ELOVL7: variants seen among roughly 807,000 people sequenced by gnomAD.
The protein encoded by ELOVL7 is ELOVL fatty acid elongase 7, also known as very long chain fatty acid elongase 7.
A neutral mutation model predicts 35.7 loss-of-function variants in ELOVL7; 27 were observed. The observed-to-expected ratio is 0.76, with a 90% CI of 0.56 to 1.04. The LOEUF is 1.04. Ranked by LOEUF, ELOVL7 falls within the 50% of genes least tolerant of loss-of-function variation. The pLI is 0.00. For missense variants in ELOVL7, 327 were observed against 340.8 expected (o/e 0.96, Z 0.32); for synonymous variants, 113 against 114.6 (o/e 0.99, Z 0.09).
chr5:60,767,657 CAT>C (rs1329291790), intron 5 of ELOVL7, among the ~76,000 whole-genome samples, 164 bp downstream of exon 5: 1 of 152,144 alleles, frequency 6.6e-6, no homozygotes, highest in African/African-American at 2.4e-5. Context: ...GAAAATTATA[CAT>C]GTGATTTTTT....
intron 1 of ELOVL7, among the ~76,000 whole-genome samples, chr5:60,820,763 A>G (rs1428232754): frequency 6.6e-6 from 1 of 152,114 alleles, no homozygotes; most frequent in Non-Finnish European, 1.5e-5. Context: ...TGACCCCTTA[A>G]GACCTGTGGT....
intron 1 of ELOVL7, among the ~76,000 whole-genome samples, chr5:60,810,100 C>T (rs1745160570): frequency 6.6e-6 from 1 of 152,214 alleles, no homozygotes; most frequent in Non-Finnish European, 1.5e-5. Flanking sequence ...GCCTGCTTTG[C>T]ATTTGTGGCC....
chr5:60,786,920 C>CT (rs536170218), intron 3 of ELOVL7, among the ~76,000 whole-genome samples: 62 of 151,312 alleles, frequency 4.1e-4, no homozygotes, highest in African/African-American at 1.2e-3. Flanking sequence ...GATTGCACCA[C>CT]TGCACTCCAG....
chr5:60,782,133 G>C (rs764368499), intron 3 of ELOVL7, among the ~76,000 whole-genome samples: 2 of 151,962 alleles, frequency 1.3e-5, no homozygotes, highest in Non-Finnish European at 2.9e-5. Flanking sequence ...AATGGCCAAC[G>C]GATAGATGAA....
intron 3 of ELOVL7, chr5:60,784,035 T>C (rs144718413): frequency 5.1e-6 from 4 of 790,736 alleles, no homozygotes; most frequent in South Asian, 4.4e-5. Flanking sequence ...ACTAGCTTAA[T>C]AATTCGTTTC....
At chr5:60,801,741 C>T (rs753568663) in intron 1 of ELOVL7, among the ~76,000 whole-genome samples, 4 of 151,746 alleles carry the variant, frequency 2.6e-5, no homozygotes, top group South Asian at 2.1e-4. Context: ...TAGAACAAAG[C>T]GAGCAGAAGG....
chr5:60,767,851 T>A lies in ELOVL7; in HGVS notation c.308A>T (p.Asp103Val). Reference sequence around the variant, plus strand: ...CAAAGCTGTGGGTGACCGTGAATAGTCAACAATGTCACATCGAAATGAATA... The same window carrying A: ...CAAAGCTGTGGGTGACCGTGAATAGACAACAATGTCACATCGAAATGAATA... ...IGYSFRCDIV[D>V]YSRSPTALRM... The change falls in exon 5 of 9, where the codon GAC (aspartate) becomes GTC (valine). Residue 103 changes from aspartate to valine, a missense_variant. Asp to Val is a radical substitution (Grantham distance 152, BLOSUM62 -3). Coordinates refer to ENST00000508821, the MANE Select transcript of ELOVL7 (RefSeq NM_024930.3). 5 of 1,613,896 alleles carry A rather than the reference T, an allele frequency of 3.1e-6. No homozygotes were observed. The highest frequency in any genetic ancestry group is 4.2e-6 in the Non-Finnish European group (5 of 1,179,848).
At chr5:60,788,739 CTCCAGCCTGG>C (rs777839480) in intron 2 of ELOVL7, among the ~76,000 whole-genome samples, 15 of 152,050 alleles carry the variant, frequency 9.9e-5, no homozygotes, top group Non-Finnish European at 1.6e-4. Flanking sequence ...TGCCACTGCA[CTCCAGCCTGG>C]TCCAGCCTGG....
chr5:60,804,209 A>C (rs1247611976), intron 1 of ELOVL7, among the ~76,000 whole-genome samples: 1 of 152,236 alleles, frequency 6.6e-6, no homozygotes, highest in East Asian at 1.9e-4. Flanking sequence ...CACGAGTGCT[A>C]AACATTGTGC....
chr5:60,825,011 A>C (rs1746089792), intron 1 of ELOVL7, among the ~76,000 whole-genome samples: 1 of 150,626 alleles, frequency 6.6e-6, no homozygotes, highest in African/African-American at 2.5e-5. Context: ...GCTGGAGTGC[A>C]GTGGTGCGAT....
intron 1 of ELOVL7, among the ~76,000 whole-genome samples, chr5:60,825,344 G>T (rs13182258): frequency 6.6e-6 from 1 of 152,060 alleles, no homozygotes; most frequent in Non-Finnish European, 1.5e-5. Flanking sequence ...ACTTTCCTCA[G>T]ATCCCTGCTA....
At chr5:60,823,863 T>C (rs1746022787) in intron 1 of ELOVL7, among the ~76,000 whole-genome samples, 1 of 152,128 alleles carries the variant, frequency 6.6e-6, no homozygotes, top group Non-Finnish European at 1.5e-5. Flanking sequence ...CCCAGATGAT[T>C]CTAATATGCA....
intron 1 of ELOVL7, among the ~76,000 whole-genome samples, chr5:60,829,267 A>G (rs1243031546): frequency 2.6e-5 from 4 of 152,178 alleles, no homozygotes; most frequent in Admixed American, 2.6e-4. Flanking sequence ...TTAAAAGGCT[A>G]CAAGAAGCCG....
chr5:60,811,555 G>T (rs1268367035), intron 1 of ELOVL7, among the ~76,000 whole-genome samples: 1 of 152,138 alleles, frequency 6.6e-6, no homozygotes, highest in Non-Finnish European at 1.5e-5. Flanking sequence ...AAAAACTGGG[G>T]CCTGTATAAC....
At chr5:60,787,812 G>A (rs745982998) in intron 2 of ELOVL7, among the ~76,000 whole-genome samples, 24 of 152,166 alleles carry the variant, frequency 1.6e-4, no homozygotes, top group Non-Finnish European at 3.1e-4. Flanking sequence ...AAAGTCAAGA[G>A]ATACACAAAC....
chr5:60,835,017 C>G (rs1746703780), intron 1 of ELOVL7, among the ~76,000 whole-genome samples: 1 of 151,384 alleles, frequency 6.6e-6, no homozygotes, highest in Non-Finnish European at 1.5e-5. Context: ...ACAGAAAAAC[C>G]CTGTCTCTAC....
intron 7 of ELOVL7, among the ~76,000 whole-genome samples, chr5:60,757,978 T>G (rs1741648559): frequency 6.6e-6 from 1 of 152,148 alleles, no homozygotes; most frequent in Non-Finnish European, 1.5e-5. Flanking sequence ...CATATTGTAG[T>G]GAGGTTTAAC....
At chr5:60,839,318 C>T (rs1157305669) in intron 1 of ELOVL7, among the ~76,000 whole-genome samples, 3 of 151,212 alleles carry the variant, frequency 2.0e-5, no homozygotes, top group Non-Finnish European at 4.4e-5. Context: ...CTTTATTGGT[C>T]GACAGAGCAA....
chr5:60,808,856 A>G (rs1281668480), intron 1 of ELOVL7, among the ~76,000 whole-genome samples: 2 of 152,244 alleles, frequency 1.3e-5, no homozygotes, highest in Non-Finnish European at 2.9e-5. Flanking sequence ...AAGTGAAATA[A>G]GCCAGACTCC....
Sources: allele counts gnomAD v4.1 joint callset (sites outside exome capture counted in the v4.1 genomes callset), GRCh38; gene constraint gnomAD v4.1.1; transcripts MANE v1.5; gene names NCBI Gene and HGNC (gene_info 2026-07-23, HGNC 2026-07-21).